Variants in CDC73 observed in about 807,000 individuals in gnomAD.
The protein encoded by CDC73 is cell division cycle 73, also known as parafibromin.
Under a neutral mutation model 83.7 loss-of-function variants are expected in CDC73, and 21 were observed. That is an observed-to-expected ratio of 0.25 (90% CI 0.18 to 0.36). The LOEUF is 0.36. CDC73 is among the 10% of genes least tolerant of loss of function. The pLI, the probability that CDC73 is intolerant of heterozygous loss-of-function variation, is 1.00. For synonymous variants in CDC73, 224 were observed against 212.9 expected (o/e 1.05, Z -0.45); for missense variants, 342 against 653.3 (o/e 0.52, Z 5.19).
At chr1:193,142,628 C>G (rs1213127472) in intron 7 of CDC73, among the ~76,000 whole-genome samples, 1 of 151,946 alleles carries the variant, frequency 6.6e-6, no homozygotes, top group East Asian at 1.9e-4. Flanking sequence ...TCTCTGCCCC[C>G]CTCCTCCTTT....
intron 10 of CDC73, chr1:193,180,894 C>T (rs747854788): frequency 1.9e-5 from 31 of 1,613,584 alleles, no homozygotes; most frequent in Admixed American, 5.0e-5. Context: ...AATTATAGTA[C>T]GTATCTAAGT....
At chr1:193,248,938 A>G (rs1303169123) in intron 15 of CDC73, among the ~76,000 whole-genome samples, 1 of 152,084 alleles carries the variant, frequency 6.6e-6, no homozygotes, top group African/African-American at 2.4e-5. Flanking sequence ...AATGACAACA[A>G]AGGATTTAGA....
intron 13 of CDC73, among the ~76,000 whole-genome samples, chr1:193,229,435 AC>A (rs1199273218): frequency 6.6e-6 from 1 of 152,242 alleles, no homozygotes; most frequent in Non-Finnish European, 1.5e-5. Flanking sequence ...TAGGATAAGC[AC>A]CCTTATGAAA....
At chr1:193,139,479 T>G (rs1387730624) in intron 6 of CDC73, among the ~76,000 whole-genome samples, 1 of 152,216 alleles carries the variant, frequency 6.6e-6, no homozygotes, top group African/African-American at 2.4e-5. Flanking sequence ...CTACTTCATC[T>G]TTTCATTTAG....
chr1:193,173,934 A>C (rs567225201), intron 10 of CDC73, among the ~76,000 whole-genome samples: 1 of 152,148 alleles, frequency 6.6e-6, no homozygotes, highest in Non-Finnish European at 1.5e-5. Context: ...ATATGTTATG[A>C]AAAAATCTGA....
At chr1:193,248,890 A>G (rs1030479690) in intron 15 of CDC73, among the ~76,000 whole-genome samples, 3 of 152,114 alleles carry the variant, frequency 2.0e-5, no homozygotes. Context: ...AATTCACTCC[A>G]GTGAGCACTT....
intron 15 of CDC73, among the ~76,000 whole-genome samples, chr1:193,249,507 A>T (rs895435290): frequency 6.6e-5 from 10 of 151,974 alleles, no homozygotes; most frequent in African/African-American, 2.2e-4. Context: ...CCAACCTTAT[A>T]GTCTTTCTTA....
chr1:193,175,857 T>C (rs1286831276), intron 10 of CDC73, among the ~76,000 whole-genome samples: 3 of 152,244 alleles, frequency 2.0e-5, no homozygotes, highest in African/African-American at 4.8e-5. Flanking sequence ...GTTTTGCTTA[T>C]GACCTTTGAT....
At chr1:193,161,310 T>C (rs1259645141) in intron 10 of CDC73, 1 of 172,960 alleles carries the variant, frequency 5.8e-6, no homozygotes, top group African/African-American at 2.4e-5. Flanking sequence ...AGAATGGTGC[T>C]TTGCACTGAA....
At chr1:193,180,575 C>T (rs1452172464) in intron 10 of CDC73, 12 of 1,614,108 alleles carry the variant, frequency 7.4e-6, no homozygotes, top group Non-Finnish European at 1.0e-5. Flanking sequence ...CCTAAAGAAA[C>T]TTTAAAAATC....
At chr1:193,208,493 C>T (rs1677225272) in intron 11 of CDC73, among the ~76,000 whole-genome samples, 1 of 152,222 alleles carries the variant, frequency 6.6e-6, no homozygotes, top group Non-Finnish European at 1.5e-5. Context: ...AACTCAACCA[C>T]ACATAGTTTG....
At chr1:193,191,429 C>T (rs550131495) in intron 10 of CDC73, among the ~76,000 whole-genome samples, 82 of 152,220 alleles carry the variant, frequency 5.4e-4, no homozygotes, top group South Asian at 1.0e-3. Context: ...GCTCTGTTGC[C>T]CAGGCTGGAG....
At chr1:193,162,238 A>G (rs4017433) in intron 10 of CDC73, among the ~76,000 whole-genome samples, 14,790 of 41,740 alleles carry the variant, frequency 0.35, 1,573 homozygotes, top group Middle Eastern at 0.52. Context: ...TATATTGTAT[A>G]TAATATATAA....
At chr1:193,126,551 A>G (rs916975091) in intron 2 of CDC73, among the ~76,000 whole-genome samples, 2 of 152,202 alleles carry the variant, frequency 1.3e-5, no homozygotes, top group Non-Finnish European at 2.9e-5. Flanking sequence ...AAAATGGCCT[A>G]AAAGATATTT....
chr1:193,150,158 C>T lies in CDC73; in HGVS notation c.829-146C>T, dbSNP rs1182174194. 9.1e-6 allele frequency: 6 copies of T among 655,764 alleles called. No individual in the cohort carries two copies. The African/African-American group carries it at 1.1e-4, about 12-fold the overall frequency. 40.6% of individuals were successfully genotyped at this position (655,764 alleles called of 1,614,324 possible). A position where few individuals can be genotyped will look rare whatever the true frequency, so the allele number is the denominator to read the frequency against. ...TGGTGGTGCATGCCTGTGGTCCCAG[C>T]TACTTGGAAGGCTGAGGTGGGAGGA... On this transcript the variant is annotated intron_variant, in intron 8 of 16. Transcript: ENST00000367435.
In CDC73 at chr1:193,122,034, A is replaced by G. The variant is rs1156904196; in HGVS notation, c.-167A>G. On this transcript the variant is annotated 5_prime_UTR_variant, in exon 1 of 17. Coordinates refer to ENST00000367435, the MANE Select transcript of CDC73 (RefSeq NM_024529.5). ...GGGGTCCTCGGCGGCCTGGGTGGCT[A>G]CTGCCCCTGCTGCTGTCGTAGGCGA... The G allele has an allele frequency of 1.5e-5, 10 of 652,664 alleles. No homozygotes were observed. Among genetic ancestry groups the G allele is most frequent in the East Asian group, 2.8e-5 (1 of 35,698 alleles). The allele number at this position is 652,664 out of a possible 1,614,324, so 40.4% of individuals were successfully genotyped here.
In CDC73 at chr1:193,134,991, T is replaced by A. The variant is rs184688681; in HGVS notation, c.308-400T>A. On this transcript the variant is annotated intron_variant, in intron 3 of 16. Transcript: ENST00000367435. The stretch of plus-strand genomic sequence containing the variant: ...TTTACCAGTTGTGAATAACTAAAAA[T>A]TGCATGTTTAGGGTGAATGCTAACT... 7.1e-4 allele frequency among the ~76,000 whole-genome samples: 108 copies of A among 152,270 alleles called. 1 individual carries two copies. The highest frequency in any genetic ancestry group is 4.6e-4 in the African/African-American group (19 of 41,552).
At chr1:193,152,238 A>G in intron 9 of CDC73, 142 bp from the exon 10 acceptor site, 1 of 621,868 alleles carries the variant, frequency 1.6e-6, no homozygotes, top group Non-Finnish European at 2.9e-6. Context: ...ACAAGTACGT[A>G]ATTTAATTTT....
intron 14 of CDC73, among the ~76,000 whole-genome samples, chr1:193,233,931 G>A (rs1347773069): frequency 2.6e-5 from 4 of 151,812 alleles, no homozygotes; most frequent in South Asian, 2.1e-4. Context: ...GTATATATCC[G>A]TGATACAGAG....
Sources: gnomAD v4.1 joint callset for allele counts (sites outside exome capture counted in the v4.1 genomes callset) on GRCh38, gnomAD v4.1.1 for gene constraint, MANE v1.5 for transcripts, NCBI Gene and HGNC (gene_info 2026-07-23, HGNC 2026-07-21) for gene names.